The following NSD1 variants were observed in gnomAD, a reference collection of about 807,000 sequenced individuals.
The protein encoded by NSD1 is nuclear receptor binding SET domain protein 1, also known as histone-lysine N-methyltransferase, H3 lysine-36 specific.
A neutral mutation model predicts 242.7 loss-of-function variants in NSD1; 26 were observed. The ratio of observed to expected loss-of-function variants is 0.11; its 90% CI spans 0.08 to 0.15. NSD1 has a LOEUF of 0.15. NSD1 is among the 10% of genes least tolerant of loss of function. The pLI, the probability that NSD1 is intolerant of heterozygous loss-of-function variation, is 1.00. For missense variants in NSD1, 2,495 were observed against 3,272.8 expected, an observed-to-expected ratio of 0.76 and a Z score of 5.80; for synonymous variants, 1,106 against 1,178.1, an observed-to-expected ratio of 0.94 and a Z score of 1.25.
Position 177,279,610 on chromosome 5 carries a change from A to ATTTTTTT in NSD1, c.5623-933_5623-927dup, listed in dbSNP as rs536478404. On this transcript the variant is annotated intron_variant, in intron 17 of 22. Transcript: ENST00000439151. ...TTCACCTGGCTTATCAGCTTTGAAA[A>ATTTTTTT]TTTTTTTTTTTTTTTTTTTTTTTTT... Among the ~76,000 whole-genome samples, 61 of 95,424 alleles carry ATTTTTTT rather than the reference A, an allele frequency of 6.4e-4. 2 individuals carry two copies. The highest frequency in any genetic ancestry group is 1.7e-3 in the African/African-American group (45 of 25,992). The allele number at this position is 95,424 out of a possible 152,430, so 62.6% of individuals were successfully genotyped here.
chr5:177,198,385 A>G (rs1762262266), intron 3 of NSD1, among the ~76,000 whole-genome samples: 1 of 152,078 alleles, frequency 6.6e-6, no homozygotes, highest in African/African-American at 2.4e-5. Flanking sequence ...GCCAATTCGG[A>G]TCCCAAGTGA....
Position 177,295,684 on chromosome 5 carries a change from G to C in NSD1, c.*225G>C. On this transcript the variant is annotated 3_prime_UTR_variant, in exon 23 of 23. Transcript: ENST00000439151. The surrounding 1 kb of genome is among the most constrained non-coding windows in gnomAD (Gnocchi z 4.3). Reference sequence around the variant, plus strand: ...GAAAATCCAGTGGGCCCCAACCAAGGAGACAGACAGACTTGGGTCTCTTTC... The same window carrying C: ...GAAAATCCAGTGGGCCCCAACCAAGCAGACAGACAGACTTGGGTCTCTTTC... 1.7e-6 allele frequency: 1 copy of C among 599,914 alleles called. No homozygotes were observed. The highest frequency in any genetic ancestry group is 2.0e-5 in the South Asian group (1 of 51,240). The allele number at this position is 599,914 out of a possible 1,614,324, so 37.2% of individuals were successfully genotyped here. A position where few individuals can be genotyped will look rare whatever the true frequency, so the allele number is the denominator to read the frequency against.
intron 5 of NSD1, among the ~76,000 whole-genome samples, chr5:177,218,985 G>T (rs895465259): frequency 1.3e-5 from 2 of 151,866 alleles, no homozygotes; most frequent in Non-Finnish European, 2.9e-5. Context: ...ATTTATAAAA[G>T]ATGTTGCTCT....
At chr5:177,150,144 A>AT (rs1388881839) in intron 2 of NSD1, among the ~76,000 whole-genome samples, 2 of 148,944 alleles carry the variant, frequency 1.3e-5, no homozygotes, top group Non-Finnish European at 3.0e-5. Context: ...TTATTTATTT[A>AT]TTTTTTTGAG....
intron 2 of NSD1, among the ~76,000 whole-genome samples, chr5:177,176,023 A>G (rs1252775676): frequency 6.6e-6 from 1 of 151,890 alleles, no homozygotes; most frequent in Admixed American, 6.6e-5. Flanking sequence ...TTATAGGCAC[A>G]TGCCAACATG....
At chr5:177,277,299 T>C (rs981618031) in intron 17 of NSD1, among the ~76,000 whole-genome samples, 27 of 152,322 alleles carry the variant, frequency 1.8e-4, no homozygotes, top group African/African-American at 6.0e-4. Flanking sequence ...TTGTGACACA[T>C]AAAGATGATA....
chr5:177,281,583 A>C (rs1758886477), intron 18 of NSD1, among the ~76,000 whole-genome samples: 1 of 152,180 alleles, frequency 6.6e-6, no homozygotes, highest in Non-Finnish European at 1.5e-5. Flanking sequence ...TCCCAGTGTG[A>C]AAGTATAAAG....
Position 177,238,815 on chromosome 5 carries a change from T to C in NSD1, c.4192+308T>C, listed in dbSNP as rs146333930. Among the ~76,000 whole-genome samples, 1 of 152,322 alleles carries C rather than the reference T, an allele frequency of 6.6e-6. No individual in the cohort carries two copies. Among genetic ancestry groups the C allele is most frequent in the Non-Finnish European group, 1.5e-5 (1 of 68,022 alleles). The stretch of plus-strand genomic sequence containing the variant: ...GGGCTTCAAGAGGAGTACTGCACAT[T>C]AGTGGAATAAGCACTATGCTTCAAG... On this transcript the variant is annotated intron_variant, in intron 7 of 22. Transcript: ENST00000439151. The surrounding 1 kb of genome is among the most constrained non-coding windows in gnomAD (Gnocchi z 4.6).
Position 177,295,011 on chromosome 5 carries a change from T to C in NSD1, c.7643T>C (p.Leu2548Ser), listed in dbSNP as rs751370850. Residue 2548 changes from leucine (L) to serine (S), a missense_variant, in exon 23 of 23, where the codon TTA (leucine) becomes TCA (serine). Transcript: ENST00000439151. The surrounding 1 kb of genome is among the most constrained non-coding windows in gnomAD (Gnocchi z 4.3). ...LLSQPPAKAFLYEPTTQASGR... is the reference protein window; with the variant it reads ...LLSQPPAKAFSYEPTTQASGR... ...TCTCAGCCTCCTGCCAAGGCCTTTT[T>C]ATATGAGCCAACAACTCAGGCCTCA... The C allele has an allele frequency of 1.2e-6, 2 of 1,614,222 alleles. No homozygotes were observed. Among genetic ancestry groups the C allele is most frequent in the Admixed American group, 3.3e-5 (2 of 60,020 alleles).
At chr5:177,147,089 C>T (rs927655391) in intron 2 of NSD1, among the ~76,000 whole-genome samples, 2 of 151,878 alleles carry the variant, frequency 1.3e-5, no homozygotes, top group African/African-American at 2.4e-5. Context: ...CTACATCCAT[C>T]GTCTTCTTGG....
intron 5 of NSD1, among the ~76,000 whole-genome samples, chr5:177,225,462 T>C (rs1201410080): frequency 6.6e-6 from 1 of 152,114 alleles, no homozygotes; most frequent in Admixed American, 6.6e-5. Context: ...TAGTTCTGCT[T>C]TCAGAGTATA....
At chr5:177,156,450 AT>A (rs1265643227) in intron 2 of NSD1, among the ~76,000 whole-genome samples, 1 of 152,150 alleles carries the variant, frequency 6.6e-6, no homozygotes, top group East Asian at 1.9e-4. Flanking sequence ...AAGTGTTGGA[AT>A]TACAGGCGTA....
At chr5:177,230,445 A>G (rs1257939746) in intron 5 of NSD1, among the ~76,000 whole-genome samples, 2 of 152,164 alleles carry the variant, frequency 1.3e-5, no homozygotes, top group Non-Finnish European at 1.5e-5. Context: ...CTGCAAGGAA[A>G]TAGAGAGCTG....
chr5:177,134,468 C>A lies in NSD1; in HGVS notation c.-18+516C>A, dbSNP rs902284923. On this transcript the variant is annotated intron_variant, in intron 1 of 22. Coordinates refer to ENST00000439151, the MANE Select transcript of NSD1 (RefSeq NM_022455.5). This position sits in a 1 kb window ranked among gnomAD's most constrained non-coding sequence, Gnocchi z 4.2. ...CTTCGCTGGCCGCCTCGGTTTCTCC[C>A]TCTGCCGGGTCCAGGCCTCTTCGCC... 6.6e-6 allele frequency among the ~76,000 whole-genome samples: 1 copy of A among 152,206 alleles called. No homozygotes were observed. Among genetic ancestry groups the A allele is most frequent in the African/African-American group, 2.4e-5 (1 of 41,472 alleles).
At chr5:177,151,509 C>T (rs1194614082) in intron 2 of NSD1, among the ~76,000 whole-genome samples, 1 of 151,994 alleles carries the variant, frequency 6.6e-6, no homozygotes, top group Non-Finnish European at 1.5e-5. Flanking sequence ...CTACCTCAGC[C>T]TCCCGACTAG....
chr5:177,158,581 A>ACT (rs1758400621), intron 2 of NSD1, among the ~76,000 whole-genome samples: 1 of 151,924 alleles, frequency 6.6e-6, no homozygotes, highest in Non-Finnish European at 1.5e-5. Flanking sequence ...CAGGTGATTC[A>ACT]CCCACCTCGG....
chr5:177,240,742 C>T lies in NSD1; in HGVS notation c.4302+877C>T, dbSNP rs567760755. On this transcript the variant is annotated intron_variant, in intron 8 of 22. Transcript: ENST00000439151. The stretch of plus-strand genomic sequence containing the variant: ...AAATAAAAAATCTATTGTGATGGCT[C>T]AAGCCTATAATCCCAGGACTTAGGG... 1.9e-3 allele frequency among the ~76,000 whole-genome samples: 295 copies of T among 151,910 alleles called. 1 individual carries two copies. Among genetic ancestry groups the T allele is most frequent in the African/African-American group, 6.9e-3 (284 of 41,444 alleles).
At chr5:177,204,578 C>G (rs547401305) in intron 4 of NSD1, among the ~76,000 whole-genome samples, 116 of 152,302 alleles carry the variant, frequency 7.6e-4, no homozygotes, top group African/African-American at 2.7e-3. Context: ...TCTTGAACTC[C>G]TGAGCTCAAG....
chr5:177,282,758 T>G (rs993048696), intron 19 of NSD1, among the ~76,000 whole-genome samples, 177 bp downstream of exon 19: 1 of 152,182 alleles, frequency 6.6e-6, no homozygotes, highest in Admixed American at 6.5e-5. Context: ...TGGGTATTCA[T>G]GGCCAGAGGC....
Sources: gnomAD v4.1 joint callset for allele counts (sites outside exome capture counted in the v4.1 genomes callset) on GRCh38, gnomAD v4.1.1 for gene constraint, Gnocchi (gnomAD v3.1) non-coding constraint, MANE v1.5 for transcripts, NCBI Gene and HGNC (gene_info 2026-07-23, HGNC 2026-07-21) for gene names.